The following TPD52L2 variants were observed in gnomAD, a reference collection of about 807,000 sequenced individuals.
The protein encoded by TPD52L2 is tumor protein D54.
TPD52L2 carries 19 observed loss-of-function variants against 24.7 expected under a neutral mutation model. The ratio of observed to expected loss-of-function variants is 0.77; its 90% CI spans 0.54 to 1.13. TPD52L2 has a LOEUF of 1.13. Ranked by LOEUF, TPD52L2 falls within the 50% of genes most tolerant of loss-of-function variation. The pLI, the probability that TPD52L2 is intolerant of heterozygous loss-of-function variation, is 0.00. For missense variants in TPD52L2, 236 were observed against 250.4 expected, an observed-to-expected ratio of 0.94 and a Z score of 0.39; for synonymous variants, 104 against 100.2, an observed-to-expected ratio of 1.04 and a Z score of -0.23.
chr20:63,872,507 A>G (rs2052505790), intron 2 of TPD52L2, among the ~76,000 whole-genome samples: 2 of 151,706 alleles, frequency 1.3e-5, no homozygotes, highest in Admixed American at 1.3e-4. Context: ...CCTCCCGAGT[A>G]GCTGGGGTTA....
chr20:63,873,783 C>T lies in TPD52L2; in HGVS notation c.281C>T (p.Ser94Phe). Reference sequence around the variant, plus strand: ...CTGGGGGAGCTGAAACAGAACCTGTCCAGGAGCTGGCATGACGTGCAGGTC... The same window carrying T: ...CTGGGGGAGCTGAAACAGAACCTGTTCAGGAGCTGGCATGACGTGCAGGTC... ...STLGELKQNL[S>F]RSWHDVQVSS... The change falls in exon 3 of 7, where the codon TCC (serine) becomes TTC (phenylalanine). Residue 94 changes from serine (S) to phenylalanine (F), a missense_variant. Ser to Phe is a radical substitution (Grantham distance 155). Coordinates refer to ENST00000346249, the MANE Select transcript of TPD52L2 (RefSeq NM_003288.4). 6.3e-7 allele frequency: 1 copy of T among 1,585,430 alleles called. No homozygotes were observed. Among genetic ancestry groups the T allele is most frequent in the Non-Finnish European group, 8.6e-7 (1 of 1,168,400 alleles).
Position 63,889,889 on chromosome 20 carries a change from C to G in TPD52L2, c.565C>G (p.Leu189Val). The G allele has an allele frequency of 6.2e-7, 1 of 1,614,200 alleles. No homozygotes were observed. The highest frequency in any genetic ancestry group is 8.5e-7 in the Non-Finnish European group (1 of 1,180,038). The change falls in exon 7 of 7, where the codon CTC becomes GTC. Residue 189 changes from leucine to valine, a missense_variant. By Grantham distance (32) the Leu-to-Val change is conservative. Transcript: ENST00000346249. The part of the protein sequence containing the change: ...VGDRENGSDN[L>V]PSSAGSGDKP... The stretch of plus-strand genomic sequence containing the variant: ...TGACAGAGAGAACGGCAGTGACAAC[C>G]TCCCTTCCTCAGCGGGGAGTGGTGA...
rs369118030 is a variant in TPD52L2, at chr20:63,887,640, G to T, written c.477-1550G>T. ...GCCTGCTCGCTGCGGCTCCAGAGCC[G>T]GGTGTCTCTGGTGGGGGTTGGGGCA... is the stretch of plus-strand genomic sequence containing the variant. On this transcript the variant is annotated intron_variant, in intron 5 of 6. Coordinates refer to ENST00000346249, the MANE Select transcript of TPD52L2 (RefSeq NM_003288.4). 3.1e-6 allele frequency: 5 copies of T among 1,606,416 alleles called. No individual in the cohort carries two copies. The South Asian group carries it at 3.3e-5, about 11-fold the overall frequency.
rs369166585 is a variant in TPD52L2, at chr20:63,873,823, A to G, written c.314+7A>G. ...ACGTGCAGGTCTCTAGCGCGTAGGT[A>G]CCTGCCCCAGGCGCACCCCTGGGGG... On this transcript the variant is annotated splice_region_variant and intron_variant, in intron 3 of 6. Transcript: ENST00000346249. 39 of 1,519,900 alleles carry G rather than the reference A, an allele frequency of 2.6e-5. No individual in the cohort carries two copies. The African/African-American group carries it at 5.5e-4, about 21-fold the overall frequency. The allele number at this position is 1,519,900 out of a possible 1,614,324, so 94.2% of individuals were successfully genotyped here.
chr20:63,882,318 G>C (rs2052930101), intron 4 of TPD52L2, among the ~76,000 whole-genome samples: 3 of 152,270 alleles, frequency 2.0e-5, no homozygotes, highest in Admixed American at 2.0e-4. Context: ...TGCACCTCAG[G>C]GGGCCCGTCC....
chr20:63,889,999 C>T lies in TPD52L2; in HGVS notation c.*54C>T. The T allele has an allele frequency of 6.2e-7, 1 of 1,609,002 alleles. No individual in the cohort carries two copies. The highest frequency in any genetic ancestry group is 1.1e-5 in the South Asian group (1 of 90,510). ...CACACGCAACCCAGCCTCAGCATCA[C>T]AGCCGCAGCTCTGTTCAGCGGAGCA... is the stretch of plus-strand genomic sequence containing the variant. On this transcript the variant is annotated 3_prime_UTR_variant, in exon 7 of 7. Coordinates refer to ENST00000346249, the MANE Select transcript of TPD52L2 (RefSeq NM_003288.4).
Position 63,890,132 on chromosome 20 carries a change from CAG to C in TPD52L2, c.*189_*190del. 7.5e-7 allele frequency: 1 copy of C among 1,332,322 alleles called. No individual in the cohort carries two copies. The highest frequency in any genetic ancestry group is 1.0e-6 in the Non-Finnish European group (1 of 991,022). The allele number at this position is 1,332,322 out of a possible 1,614,324, so 82.5% of individuals were successfully genotyped here. A position where few individuals can be genotyped will look rare whatever the true frequency, so the allele number is the denominator to read the frequency against. ...AATTTGAAGAACACAGGCTTGTACA[CAG>C]ATGTTTTACACTCACGTTTGTAGAT... On this transcript the variant is annotated 3_prime_UTR_variant, in exon 7 of 7. Transcript: ENST00000346249.
rs1367351330 is a variant in TPD52L2 at position 63,882,931 on chromosome 20, C to T, written c.476+111C>T. The T allele has an allele frequency of 1.3e-5, 10 of 793,574 alleles. No homozygotes were observed. The Admixed American group carries it at 2.6e-4, about 21-fold the overall frequency. The allele number at this position is 793,574 out of a possible 1,614,324, so 49.2% of individuals were successfully genotyped here. A position where few individuals can be genotyped will look rare whatever the true frequency, so the allele number is the denominator to read the frequency against. On this transcript the variant is annotated intron_variant, in intron 5 of 6. Coordinates refer to ENST00000346249, the MANE Select transcript of TPD52L2 (RefSeq NM_003288.4). ...AGATCAGGGCTCAGATGCACTGGCT[C>T]AGGGATGTGGCCATCCATCATGGCC...
At chr20:63,889,129 G>A in intron 5 of TPD52L2, 61 bp from the exon 6 acceptor site, 4 of 1,494,626 alleles carry the variant, frequency 2.7e-6, no homozygotes, top group Non-Finnish European at 3.7e-6. Context: ...GCCCTTCCGA[G>A]TTAGGAGAGC....
chr20:63,869,447 G>A lies in TPD52L2; in HGVS notation c.165+6G>A. ...TCAGGGCTGAGCTTACCAAGGTGCT[G>A]TGGCTTGGCTGTCTGTCCTGGGGTG... On this transcript the variant is annotated splice_donor_region_variant and intron_variant, in intron 2 of 6. Coordinates refer to ENST00000346249, the MANE Select transcript of TPD52L2 (RefSeq NM_003288.4). 2 of 1,613,960 alleles carry A rather than the reference G, an allele frequency of 1.2e-6. No homozygotes were observed. The highest frequency in any genetic ancestry group is 1.7e-6 in the Non-Finnish European group (2 of 1,179,904).
chr20:63,876,341 C>T lies in TPD52L2; in HGVS notation c.374+466C>T, dbSNP rs368188985. ...TTAGGGGTAGTTCTTGAGTGGAGGG[C>T]ATGGTGTAGGATATGCTGGTGGAAA... is the stretch of plus-strand genomic sequence containing the variant. On this transcript the variant is annotated intron_variant, in intron 4 of 6. Coordinates refer to ENST00000346249, the MANE Select transcript of TPD52L2 (RefSeq NM_003288.4). Among the ~76,000 whole-genome samples the T allele has an allele frequency of 7.2e-5, 11 of 152,260 alleles. No homozygotes were observed. In the East Asian group the frequency reaches 2.1e-3, roughly 29 times the overall value.
chr20:63,878,747 C>T lies in TPD52L2; in HGVS notation c.374+2872C>T, dbSNP rs1464299342. ...TGCTGCCCAGGGGACAGCTCACTGG[C>T]AGTGGGACGAAACCGCTGTCTGTCC... On this transcript the variant is annotated intron_variant, in intron 4 of 6. Coordinates refer to ENST00000346249, the MANE Select transcript of TPD52L2 (RefSeq NM_003288.4). Among the ~76,000 whole-genome samples the T allele has an allele frequency of 2.6e-5, 4 of 152,302 alleles. No individual in the cohort carries two copies. In the East Asian group the frequency reaches 7.7e-4, roughly 29 times the overall value.
chr20:63,870,821 G>A (rs1369857461), intron 2 of TPD52L2, among the ~76,000 whole-genome samples: 3 of 150,826 alleles, frequency 2.0e-5, no homozygotes, highest in Admixed American at 6.6e-5. Context: ...AGGTTCAAGC[G>A]ATTCTCCTGC....
chr20:63,873,806 G>A lies in TPD52L2; in HGVS notation c.304G>A (p.Val102Ile), dbSNP rs768358491. The change falls in exon 3 of 7, where the codon GTC becomes ATC. Residue 102 changes from valine (V) to isoleucine (I), a missense_variant. Val to Ile is a conservative substitution (Grantham distance 29, BLOSUM62 3). Coordinates refer to ENST00000346249, the MANE Select transcript of TPD52L2 (RefSeq NM_003288.4). ...NLSRSWHDVQ[V>I]SSAYVKTSEK... ...GTCCAGGAGCTGGCATGACGTGCAGGTCTCTAGCGCGTAGGTACCTGCCCC... is the reference window on the plus strand; with the variant it reads ...GTCCAGGAGCTGGCATGACGTGCAGATCTCTAGCGCGTAGGTACCTGCCCC... 2.6e-6 allele frequency: 4 copies of A among 1,559,162 alleles called. No homozygotes were observed. The highest frequency in any genetic ancestry group is 2.6e-6 in the Non-Finnish European group (3 of 1,157,452).
Position 63,878,674 on chromosome 20 carries a change from G to A in TPD52L2, c.374+2799G>A, listed in dbSNP as rs13036765. ...AGTGGGAGTGGGGGCAGCCCCCAGA[G>A]ACAGACTCAGGAGAGGGGGAGTGCA... On this transcript the variant is annotated intron_variant, in intron 4 of 6. Coordinates refer to ENST00000346249, the MANE Select transcript of TPD52L2 (RefSeq NM_003288.4). Among the ~76,000 whole-genome samples, 6 of 152,210 alleles carry A rather than the reference G, an allele frequency of 3.9e-5. 1 individual carries two copies. The highest frequency in any genetic ancestry group is 1.5e-5 in the Non-Finnish European group (1 of 68,026).
intron 2 of TPD52L2, among the ~76,000 whole-genome samples, chr20:63,871,310 T>A (rs2052454656): frequency 6.6e-6 from 1 of 151,366 alleles, no homozygotes; most frequent in South Asian, 2.1e-4. Flanking sequence ...CCCGAAGTGC[T>A]AGGATTACAA....
intron 4 of TPD52L2, 25 bp downstream of exon 4, chr20:63,875,900 T>C: frequency 6.2e-7 from 1 of 1,609,770 alleles, no homozygotes; most frequent in Non-Finnish European, 8.5e-7. Context: ...CATCAGCACC[T>C]CCTCCTTCCT....
intron 2 of TPD52L2, among the ~76,000 whole-genome samples, chr20:63,872,042 C>CTT (rs34989051): frequency 8.5e-4 from 91 of 106,906 alleles, no homozygotes; most frequent in African/African-American, 2.5e-3. Context: ...AGGTCATGTT[C>CTT]TTTTTTTTTT....
rs2053290368 is a variant in TPD52L2, at chr20:63,890,528, T to C, written c.*583T>C. The C allele has an allele frequency of 6.5e-6, 1 of 153,834 alleles. No individual in the cohort carries two copies. The allele number at this position is 153,834 out of a possible 1,614,324, so 9.5% of individuals were successfully genotyped here. ...TAACGGAAGCAAATTCATTATTTTTTAAATGCAGTGGACTTTTCAAAAAGT... is the reference window on the plus strand; with the variant it reads ...TAACGGAAGCAAATTCATTATTTTTCAAATGCAGTGGACTTTTCAAAAAGT... On this transcript the variant is annotated 3_prime_UTR_variant, in exon 7 of 7. Coordinates refer to ENST00000346249, the MANE Select transcript of TPD52L2 (RefSeq NM_003288.4).
Sources: gnomAD v4.1 joint callset for allele counts (sites outside exome capture counted in the v4.1 genomes callset) on GRCh38, gnomAD v4.1.1 for gene constraint, MANE v1.5 for transcripts, NCBI Gene and HGNC (gene_info 2026-07-23, HGNC 2026-07-21) for gene names.